Variants in TNR observed in about 807,000 individuals in gnomAD.
TNR encodes the protein tenascin-R.
A neutral mutation model predicts 150.4 loss-of-function variants in TNR; 45 were observed. That is an observed-to-expected ratio of 0.30 (90% CI 0.24 to 0.38). The LOEUF is 0.38. TNR is among the 10% of genes least tolerant of loss of function. TNR has a pLI of 1.00. For synonymous variants in TNR, 687 were observed against 678.4 expected (o/e 1.01, Z -0.20); for missense variants, 1,544 against 1,759.1 (o/e 0.88, Z 2.19).
chr1:175,666,626 G>T (rs181527473), intron 1 of TNR, among the ~76,000 whole-genome samples: 3 of 152,256 alleles, frequency 2.0e-5, no homozygotes, highest in Non-Finnish European at 4.4e-5. Flanking sequence ...CAGGACGAAC[G>T]TCGGACTGGC....
chr1:175,389,427 C>T (rs1653073364), intron 7 of TNR, among the ~76,000 whole-genome samples: 1 of 152,204 alleles, frequency 6.6e-6, no homozygotes, highest in Admixed American at 6.5e-5. Context: ...AGGTCTTGTC[C>T]CACAGAGGAG....
At chr1:175,408,413 C>T (rs1654056540) in intron 2 of TNR, among the ~76,000 whole-genome samples, 1 of 152,154 alleles carries the variant, frequency 6.6e-6, no homozygotes, top group South Asian at 2.1e-4. Context: ...AAAAAAATGC[C>T]TGAGGGTTGA....
intron 1 of TNR, among the ~76,000 whole-genome samples, chr1:175,578,573 G>A (rs1011789095): frequency 6.6e-6 from 1 of 152,162 alleles, no homozygotes; most frequent in Admixed American, 6.5e-5. Flanking sequence ...GGAGAGAGAT[G>A]AATGAGAGAA....
At chr1:175,580,401 A>G (rs935189310) in intron 1 of TNR, among the ~76,000 whole-genome samples, 1 of 152,158 alleles carries the variant, frequency 6.6e-6, no homozygotes, top group African/African-American at 2.4e-5. Context: ...ATGAAATGTG[A>G]TTAACTTTTT....
intron 2 of TNR, among the ~76,000 whole-genome samples, chr1:175,439,646 C>T (rs541499239): frequency 4.5e-4 from 69 of 152,260 alleles, no homozygotes; most frequent in African/African-American, 1.6e-3. Flanking sequence ...GACTAATATC[C>T]AGAATCTACA....
At chr1:175,564,552 G>A (rs542205710) in intron 1 of TNR, among the ~76,000 whole-genome samples, 1 of 152,158 alleles carries the variant, frequency 6.6e-6, no homozygotes, top group African/African-American at 2.4e-5. Context: ...TTTTGATGCT[G>A]ACTCTAGACA....
intron 1 of TNR, among the ~76,000 whole-genome samples, chr1:175,557,822 C>T (rs886295211): frequency 9.5e-5 from 12 of 126,430 alleles, no homozygotes; most frequent in South Asian, 2.8e-4. Context: ...CACATGCACA[C>T]GTATGTTTAT....
At chr1:175,511,430 G>A (rs1372114234) in intron 2 of TNR, among the ~76,000 whole-genome samples, 2 of 152,190 alleles carry the variant, frequency 1.3e-5, no homozygotes, top group African/African-American at 4.8e-5. Flanking sequence ...AAAGACATGA[G>A]CCCTGTAATA....
At chr1:175,341,118 T>C (rs1650501195) in intron 18 of TNR, among the ~76,000 whole-genome samples, 1 of 152,222 alleles carries the variant, frequency 6.6e-6, no homozygotes, top group Non-Finnish European at 1.5e-5. Context: ...AATGTGAACG[T>C]ACTGGGGCTT....
intron 2 of TNR, among the ~76,000 whole-genome samples, chr1:175,511,366 T>C (rs2102159500): frequency 6.6e-6 from 1 of 152,376 alleles, no homozygotes; most frequent in African/African-American, 2.4e-5. Flanking sequence ...TTTATTATTT[T>C]AGAAGTTGGA....
intron 1 of TNR, among the ~76,000 whole-genome samples, chr1:175,589,319 C>A (rs1375200705): frequency 1.3e-5 from 2 of 152,038 alleles, no homozygotes; most frequent in Non-Finnish European, 2.9e-5. Context: ...TGAATTGAAC[C>A]AAAAGGCAGA....
At chr1:175,626,847 G>A (rs1206715865) in intron 1 of TNR, among the ~76,000 whole-genome samples, 1 of 152,124 alleles carries the variant, frequency 6.6e-6, no homozygotes, top group African/African-American at 2.4e-5. Context: ...GATTATCCAG[G>A]TGAAGCCTCA....
chr1:175,567,061 A>T (rs536776603), intron 1 of TNR, among the ~76,000 whole-genome samples: 1 of 152,280 alleles, frequency 6.6e-6, no homozygotes, highest in African/African-American at 2.4e-5. Context: ...TTGCATTTTT[A>T]AAAATGATAT....
At chr1:175,454,800 T>G (rs1318328835) in intron 2 of TNR, among the ~76,000 whole-genome samples, 1 of 152,202 alleles carries the variant, frequency 6.6e-6, no homozygotes, top group African/African-American at 2.4e-5. Flanking sequence ...CTGAATGATT[T>G]TAAACAAGTA....
At chr1:175,410,498 C>A (rs1412022665) in intron 2 of TNR, among the ~76,000 whole-genome samples, 1 of 152,184 alleles carries the variant, frequency 6.6e-6, no homozygotes, top group Non-Finnish European at 1.5e-5. Flanking sequence ...GAGATGCTAG[C>A]AACTCTGCCG....
rs181509510 is a variant in TNR at position 175,693,574 on chromosome 1, C to G, written c.-165+49652G>C. On this transcript the variant is annotated intron_variant, in intron 1 of 22. Transcript: ENST00000367674. ...AGGAGCCCATCTGTACGCTGTCATT[C>G]ACAATGCCTCCTCTCCTGGCCATTC... 7.9e-5 allele frequency among the ~76,000 whole-genome samples: 12 copies of G among 152,322 alleles called. 1 individual carries two copies.
At chr1:175,379,017 T>C (rs1171136542) in intron 9 of TNR, among the ~76,000 whole-genome samples, 2 of 152,030 alleles carry the variant, frequency 1.3e-5, no homozygotes, top group African/African-American at 4.8e-5. Flanking sequence ...CTGTCTCTAC[T>C]AAAAACACAA....
chr1:175,433,424 A>C (rs1301335757), intron 2 of TNR, among the ~76,000 whole-genome samples: 3 of 152,322 alleles, frequency 2.0e-5, no homozygotes, highest in African/African-American at 7.2e-5. Context: ...GCAATGTAGC[A>C]TCTCTCACTC....
chr1:175,631,505 AGCT>A (rs1178737641), intron 1 of TNR, among the ~76,000 whole-genome samples: 1 of 152,096 alleles, frequency 6.6e-6, no homozygotes, highest in African/African-American at 2.4e-5. Context: ...TTAGCTCACC[AGCT>A]GTTATTAGTG....
Sources: allele counts gnomAD v4.1 joint callset (sites outside exome capture counted in the v4.1 genomes callset), GRCh38; gene constraint gnomAD v4.1.1; transcripts MANE v1.5; gene names NCBI Gene and HGNC (gene_info 2026-07-23, HGNC 2026-07-21).